CDH1: variants seen among roughly 807,000 people sequenced by gnomAD.
CDH1 encodes the protein cadherin 1, also known as cadherin-1.
CDH1 carries 35 observed loss-of-function variants against 84.5 expected under a neutral mutation model. That is an observed-to-expected ratio of 0.41 (90% CI 0.32 to 0.55). The LOEUF is 0.55. Ranked by LOEUF, CDH1 falls within the 20% of genes least tolerant of loss-of-function variation. The pLI, the probability that CDH1 is intolerant of heterozygous loss-of-function variation, is 0.19. For missense variants in CDH1, 994 were observed against 1,126.6 expected (o/e 0.88, Z 1.68); for synonymous variants, 417 against 439.0 (o/e 0.95, Z 0.63).
intron 2 of CDH1, among the ~76,000 whole-genome samples, chr16:68,745,575 T>TATGTATATATATAG: frequency 2.0e-5 from 2 of 100,766 alleles, no homozygotes; most frequent in Non-Finnish European, 4.1e-5. Flanking sequence ...TATATATATA[T>TATGTATATATATAG]GTATGTGTAA....
intron 14 of CDH1, among the ~76,000 whole-genome samples, chr16:68,829,150 A>C (rs1326015361): frequency 6.6e-6 from 1 of 152,198 alleles, no homozygotes; most frequent in African/African-American, 2.4e-5. Flanking sequence ...GCTGGGGCTC[A>C]GCAGATTTAG....
intron 2 of CDH1, among the ~76,000 whole-genome samples, chr16:68,748,277 T>C (rs1040180237): frequency 2.6e-5 from 4 of 151,994 alleles, no homozygotes; most frequent in Non-Finnish European, 4.4e-5. Flanking sequence ...CACACCTGGC[T>C]AACTTTGTTT....
intron 2 of CDH1, among the ~76,000 whole-genome samples, chr16:68,758,687 G>A (rs1963083660): frequency 6.7e-6 from 1 of 149,868 alleles, no homozygotes; most frequent in Non-Finnish European, 1.5e-5. Context: ...GGGGCGGGTA[G>A]TGTAAGTGTC....
At chr16:68,739,744 A>C (rs546836852) in intron 2 of CDH1, among the ~76,000 whole-genome samples, 1 of 149,738 alleles carries the variant, frequency 6.7e-6, no homozygotes, top group South Asian at 2.1e-4. Context: ...CCTCCTGAGT[A>C]GCTGGGATTA....
At chr16:68,783,069 CCCATCCCT>C (rs1214494853) in intron 2 of CDH1, among the ~76,000 whole-genome samples, 1 of 152,054 alleles carries the variant, frequency 6.6e-6, no homozygotes, top group Non-Finnish European at 1.5e-5. Context: ...CAACTGAACA[CCCATCCCT>C]CCTTTGGTTC....
At chr16:68,816,208 A>G (rs1381354693) in intron 10 of CDH1, among the ~76,000 whole-genome samples, 1 of 152,104 alleles carries the variant, frequency 6.6e-6, no homozygotes, top group Non-Finnish European at 1.5e-5. Context: ...AGTAGAGACA[A>G]GGCTTCACCA....
intron 2 of CDH1, among the ~76,000 whole-genome samples, chr16:68,793,297 T>A (rs1310255151): frequency 6.6e-6 from 1 of 152,196 alleles, no homozygotes. Flanking sequence ...GGAATATCCT[T>A]AGGTTTCTCT....
chr16:68,822,620 G>T, intron 12 of CDH1: 1 of 434,744 alleles, frequency 2.3e-6, no homozygotes. Context: ...TTCTACCGAG[G>T]TGGAGGCAGC....
In CDH1 at chr16:68,808,425, C is replaced by T. The variant is rs1960723934; in HGVS notation, c.389C>T (p.Ala130Val). The T allele has an allele frequency of 6.2e-7, 1 of 1,614,142 alleles. No homozygotes were observed. The highest frequency in any genetic ancestry group is 1.1e-5 in the South Asian group (1 of 91,088). Reference protein sequence around the residue: ...GHHHRPPPHQASVSGIQAELL... With the variant: ...GHHHRPPPHQVSVSGIQAELL... The stretch of plus-strand genomic sequence containing the variant: ...GTTCCTCATCTTCTTTCCTTTTAGG[C>T]CTCCGTTTCTGGAATCCAAGCAGAA... Residue 130 changes from alanine to valine, a missense_variant and splice_region_variant, in exon 4 of 16, where the codon GCC becomes GTC. Ala to Val is a moderately conservative substitution (Grantham distance 64). Around this residue, in one of 3 missense-constraint regions of CDH1, gnomAD observed 203 missense variants for 194.0 expected, o/e 1.05. Transcript: ENST00000261769.
chr16:68,804,996 A>ATTTTTTTTT (rs71148951), intron 3 of CDH1, among the ~76,000 whole-genome samples: 2 of 89,700 alleles, frequency 2.2e-5, no homozygotes, highest in Non-Finnish European at 4.1e-5. Context: ...TGCCCAGCTA[A>ATTTTTTTTT]TTTTTTTTTT....
chr16:68,811,662 T>C (rs775360757), intron 6 of CDH1, 22 bp from the exon 7 acceptor site: 8 of 1,612,518 alleles, frequency 5.0e-6, no homozygotes, highest in Non-Finnish European at 6.8e-6. Context: ...GTCTAAACCT[T>C]CATCTCCTTG....
chr16:68,818,869 A>AAAAT (rs1343218243), intron 10 of CDH1, among the ~76,000 whole-genome samples: 1 of 149,176 alleles, frequency 6.7e-6, no homozygotes, highest in Non-Finnish European at 1.5e-5. Flanking sequence ...AAAAAAAAAA[A>AAAAT]AGAAAGAAAG....
chr16:68,795,571 T>G (rs1423280717), intron 2 of CDH1, among the ~76,000 whole-genome samples: 2 of 152,074 alleles, frequency 1.3e-5, no homozygotes, highest in Non-Finnish European at 2.9e-5. Flanking sequence ...CTCTGCTCAC[T>G]GCAACCTCTG....
chr16:68,806,990 G>A (rs1383097671), intron 3 of CDH1, among the ~76,000 whole-genome samples: 1 of 152,166 alleles, frequency 6.6e-6, no homozygotes, highest in Admixed American at 6.5e-5. Context: ...ACTCAAACTT[G>A]GCAAGCAGTG....
intron 2 of CDH1, among the ~76,000 whole-genome samples, chr16:68,790,096 G>T (rs1960168461): frequency 6.6e-6 from 1 of 152,104 alleles, no homozygotes; most frequent in Admixed American, 6.6e-5. Context: ...GAAAGTCTCT[G>T]TGCAGCACAT....
chr16:68,802,143 GC>G (rs1191772540), intron 3 of CDH1, among the ~76,000 whole-genome samples: 3 of 152,220 alleles, frequency 2.0e-5, no homozygotes, highest in African/African-American at 7.2e-5. Context: ...GGACAAATCA[GC>G]CCAAGTTGAG....
chr16:68,770,436 C>T (rs757291731), intron 2 of CDH1, among the ~76,000 whole-genome samples: 4 of 152,114 alleles, frequency 2.6e-5, no homozygotes, highest in Non-Finnish European at 5.9e-5. Context: ...AGCTGAATGA[C>T]TCTGCCTCTG....
In CDH1 at chr16:68,745,550, A is replaced by AAATGTATATATATATG. The variant is rs71253605; in HGVS notation, c.163+7139_163+7140insAATGTATATATATATG. Among the ~76,000 whole-genome samples the AAATGTATATATATATG allele has an allele frequency of 1.2e-4, 6 of 50,510 alleles. No homozygotes were observed. The East Asian group carries it at 1.9e-3, about 16-fold the overall frequency. The allele number at this position is 50,510 out of a possible 152,430, so 33.1% of individuals were successfully genotyped here. On this transcript the variant is annotated intron_variant, in intron 2 of 15. Transcript: ENST00000261769. ...TCCTGTCTCAAAAAAAAAAAAAAAA[A>AAATGTATATATATATG]TATATATATATATGTATATATATAT...
chr16:68,791,311 A>G (rs1348292053), intron 2 of CDH1, among the ~76,000 whole-genome samples: 4 of 152,126 alleles, frequency 2.6e-5, no homozygotes, highest in Non-Finnish European at 4.4e-5. Flanking sequence ...ATGCCCTAAT[A>G]TTCCCTAATG....
Sources: gnomAD v4.1 joint callset for allele counts (sites outside exome capture counted in the v4.1 genomes callset) on GRCh38, gnomAD v4.1.1 for gene constraint, gnomAD v4.1.1 regional missense constraint, MANE v1.5 for transcripts, NCBI Gene and HGNC (gene_info 2026-07-23, HGNC 2026-07-21) for gene names.